CRTAP: variants seen among roughly 807,000 people sequenced by gnomAD.
CRTAP encodes the protein cartilage associated protein.
In CRTAP, 33 loss-of-function variants were observed where a neutral mutation model predicts 42.7. The ratio of observed to expected loss-of-function variants is 0.77; its 90% CI spans 0.59 to 1.03. The LOEUF (loss-of-function observed/expected upper bound fraction) is 1.03. Among genes scored for constraint, CRTAP ranks in the 50% least tolerant of loss-of-function variants. CRTAP has a pLI of 0.00. For synonymous variants in CRTAP, 243 were observed against 217.7 expected, an observed-to-expected ratio of 1.12 and a Z score of -1.02; for missense variants, 613 against 533.9, an observed-to-expected ratio of 1.15 and a Z score of -1.46.
rs1248350696 is a variant in CRTAP, at chr3:33,147,696, T to C, written c.*5248T>C. 2 of 152,264 alleles carry C rather than the reference T, an allele frequency of 1.3e-5. No individual in the cohort carries two copies. The highest frequency in any genetic ancestry group is 1.3e-4 in the Admixed American group (2 of 15,288). The allele number at this position is 152,264 out of a possible 1,614,324, so 9.4% of individuals were successfully genotyped here. On this transcript the variant is annotated 3_prime_UTR_variant, in exon 7 of 7. Coordinates refer to ENST00000320954, the MANE Select transcript of CRTAP (RefSeq NM_006371.5). ...TGTGGTATGTACAAGCTCACTCTTG[T>C]TGAAAATTAGAAAATAGTTGAAAAC...
intron 4 of CRTAP, among the ~76,000 whole-genome samples, chr3:33,131,905 C>A (rs2030278056): frequency 6.6e-6 from 1 of 152,004 alleles, no homozygotes; most frequent in Non-Finnish European, 1.5e-5. Flanking sequence ...ATACCAGGGG[C>A]TTGTGTCTCA....
At chr3:33,139,467 T>A (rs911851033) in intron 6 of CRTAP, among the ~76,000 whole-genome samples, 2 of 151,694 alleles carry the variant, frequency 1.3e-5, no homozygotes, top group Non-Finnish European at 2.9e-5. Flanking sequence ...CTATTTTTAA[T>A]TCGTTGAATT....
chr3:33,124,532 G>C lies in CRTAP; in HGVS notation c.746G>C (p.Gly249Ala), dbSNP rs766873766. 1.2e-6 allele frequency: 2 copies of C among 1,614,228 alleles called. No homozygotes were observed. Among genetic ancestry groups the C allele is most frequent in the Admixed American group, 1.7e-5 (1 of 60,026 alleles). The change falls in exon 3 of 7, where the codon GGT (glycine) becomes GCT (alanine). Residue 249 changes from glycine to alanine, a missense_variant. Physicochemically the swap from Gly to Ala is moderately conservative, Grantham distance 60. Coordinates refer to ENST00000320954, the MANE Select transcript of CRTAP (RefSeq NM_006371.5). ...AFYECLAACE[G>A]SREIKDFKDF... is the part of the protein sequence containing the mutation. ...TACGAGTGTCTCGCAGCCTGCGAGGGTTCCAGGGAGATCAAGGACTTCAAG... is the reference window on the plus strand; with the variant it reads ...TACGAGTGTCTCGCAGCCTGCGAGGCTTCCAGGGAGATCAAGGACTTCAAG...
rs772311116 is a variant in CRTAP at position 33,142,345 on chromosome 3, T to C, written c.1153-50T>C. 1.4e-5 allele frequency: 22 copies of C among 1,528,890 alleles called. No homozygotes were observed. The South Asian group carries it at 2.5e-4, about 17-fold the overall frequency. The allele number at this position is 1,528,890 out of a possible 1,614,324, so 94.7% of individuals were successfully genotyped here. ...ATACTGTTTCTGCTCATCAGTACTT[T>C]TAAAAGTCCAATAGCCCATTTAATA... On this transcript the variant is annotated intron_variant, in intron 6 of 6. Transcript: ENST00000320954.
intron 6 of CRTAP, 108 bp downstream of exon 6, chr3:33,134,373 G>A: frequency 1.3e-6 from 1 of 781,662 alleles, no homozygotes; most frequent in East Asian, 2.6e-5. Flanking sequence ...GAAACAGAGG[G>A]GACCTTGAGA....
intron 3 of CRTAP, among the ~76,000 whole-genome samples, chr3:33,124,938 T>A (rs1380599535): frequency 6.6e-6 from 1 of 152,180 alleles, no homozygotes; most frequent in African/African-American, 2.4e-5. Context: ...TTCCAACACA[T>A]ATAAAGGTAG....
chr3:33,142,890 A>G lies in CRTAP; in HGVS notation c.*442A>G. ...GCTGGTCTCGAACTCTTGACTTCAGATGATCCATCTGCCTTGGCCTCCCAC... is the reference window on the plus strand; with the variant it reads ...GCTGGTCTCGAACTCTTGACTTCAGGTGATCCATCTGCCTTGGCCTCCCAC... On this transcript the variant is annotated 3_prime_UTR_variant, in exon 7 of 7. Transcript: ENST00000320954. 1 of 205,866 alleles carries G rather than the reference A, an allele frequency of 4.9e-6. No homozygotes were observed. Among genetic ancestry groups the G allele is most frequent in the Non-Finnish European group, 1.0e-5 (1 of 99,896 alleles). The allele number at this position is 205,866 out of a possible 1,614,324, so 12.8% of individuals were successfully genotyped here. A position where few individuals can be genotyped will look rare whatever the true frequency, so the allele number is the denominator to read the frequency against.
At chr3:33,134,658 T>C (rs1019366344) in intron 6 of CRTAP, among the ~76,000 whole-genome samples, 1 of 152,242 alleles carries the variant, frequency 6.6e-6, no homozygotes, top group African/African-American at 2.4e-5. Context: ...ATTGCATCTT[T>C]ACTGTAAGCA....
In CRTAP at chr3:33,145,015, A is replaced by G. The variant is rs2030684121; in HGVS notation, c.*2567A>G. ...TTCCTGCAATAGCCTGGGAAGGAAT[A>G]AAAGGATAGAGTGTTTGGGTTTTTG... On this transcript the variant is annotated 3_prime_UTR_variant, in exon 7 of 7. Transcript: ENST00000320954. This position sits in a 1 kb window ranked among gnomAD's most constrained non-coding sequence, Gnocchi z 4.3. The G allele has an allele frequency of 6.6e-6, 1 of 152,280 alleles. No individual in the cohort carries two copies. Among genetic ancestry groups the G allele is most frequent in the South Asian group, 2.1e-4 (1 of 4,830 alleles). The allele number at this position is 152,280 out of a possible 1,614,324, so 9.4% of individuals were successfully genotyped here.
chr3:33,127,311 C>T (rs768527896), intron 3 of CRTAP, among the ~76,000 whole-genome samples: 18 of 151,836 alleles, frequency 1.2e-4, no homozygotes, highest in Non-Finnish European at 2.5e-4. Flanking sequence ...GTAGAGAAGT[C>T]GGAAGAATCA....
intron 2 of CRTAP, among the ~76,000 whole-genome samples, chr3:33,121,194 A>AG (rs2029872353): frequency 6.6e-6 from 1 of 152,118 alleles, no homozygotes; most frequent in Non-Finnish European, 1.5e-5. Context: ...GGATCACCTG[A>AG]GGTCAGGAGT....
rs1169467873 is a variant in CRTAP, at chr3:33,142,800, A to G, written c.*352A>G. On this transcript the variant is annotated 3_prime_UTR_variant, in exon 7 of 7. Transcript: ENST00000320954. The stretch of plus-strand genomic sequence containing the variant: ...CTCCCGAGTACCTGGGATTACAGGC[A>G]TGTGCCACCACGCCCGGCTAATTTT... 1 of 250,006 alleles carries G rather than the reference A, an allele frequency of 4.0e-6. No homozygotes were observed. The highest frequency in any genetic ancestry group is 7.9e-6 in the Non-Finnish European group (1 of 125,898). 15.5% of individuals were successfully genotyped at this position (250,006 alleles called of 1,614,324 possible).
chr3:33,135,506 G>A (rs952187789), intron 6 of CRTAP, among the ~76,000 whole-genome samples: 2 of 152,004 alleles, frequency 1.3e-5, no homozygotes, highest in Admixed American at 6.5e-5. Flanking sequence ...GAGTGCACCC[G>A]TAGTCCTAGC....
chr3:33,123,617 C>T (rs977140613), intron 2 of CRTAP, among the ~76,000 whole-genome samples: 1 of 138,386 alleles, frequency 7.2e-6, no homozygotes, highest in African/African-American at 2.7e-5. Context: ...ATAAATTACC[C>T]AGTCTCGGTT....
rs140484196 is a variant in CRTAP at position 33,147,138 on chromosome 3, G to A, written c.*4690G>A. The A allele has an allele frequency of 6.5e-6, 1 of 152,758 alleles. No homozygotes were observed. The highest frequency in any genetic ancestry group is 2.4e-5 in the African/African-American group (1 of 41,534). 9.5% of individuals were successfully genotyped at this position (152,758 alleles called of 1,614,324 possible). A position where few individuals can be genotyped will look rare whatever the true frequency, so the allele number is the denominator to read the frequency against. ...ACCTAGTGTGGAGAGTTTAAACTAT[G>A]TACAAGGGAGGAAAGAAAAAAAGGA... is the stretch of plus-strand genomic sequence containing the variant. On this transcript the variant is annotated 3_prime_UTR_variant, in exon 7 of 7. Transcript: ENST00000320954.
At chr3:33,125,440 GTT>G (rs1184905992) in intron 3 of CRTAP, among the ~76,000 whole-genome samples, 1 of 30,154 alleles carries the variant, frequency 3.3e-5, no homozygotes, top group African/African-American at 1.2e-4. Context: ...TTTCGGTTTT[GTT>G]TTTTTTTTTC....
At chr3:33,121,659 G>A (rs2029880977) in intron 2 of CRTAP, among the ~76,000 whole-genome samples, 1 of 152,148 alleles carries the variant, frequency 6.6e-6, no homozygotes, top group South Asian at 2.1e-4. Context: ...GAACCAGTGT[G>A]GGGAGAGGGA....
chr3:33,129,698 C>T (rs1015110509), intron 3 of CRTAP, among the ~76,000 whole-genome samples: 10 of 151,902 alleles, frequency 6.6e-5, no homozygotes, highest in Non-Finnish European at 1.2e-4. Flanking sequence ...CCACGACGCC[C>T]AGCTAATTTT....
chr3:33,129,562 G>A (rs866834246), intron 3 of CRTAP, among the ~76,000 whole-genome samples: 1 of 142,452 alleles, frequency 7.0e-6, no homozygotes, highest in Non-Finnish European at 1.5e-5. Context: ...TTTGGAGACG[G>A]AGTCTTGCTC....
Sources: allele counts gnomAD v4.1 joint callset (sites outside exome capture counted in the v4.1 genomes callset), GRCh38; gene constraint gnomAD v4.1.1; non-coding constraint Gnocchi (gnomAD v3.1); transcripts MANE v1.5; gene names NCBI Gene and HGNC (gene_info 2026-07-23, HGNC 2026-07-21).